Variants in PMS1 observed in about 807,000 individuals in gnomAD.
The protein encoded by PMS1 is PMS1 homolog 1, mismatch repair system component.
In PMS1, 79 loss-of-function variants were observed where a neutral mutation model predicts 93.1. The ratio of observed to expected loss-of-function variants is 0.85; its 90% CI spans 0.71 to 1.02. The LOEUF is 1.02. Ranked by LOEUF, PMS1 falls within the 50% of genes least tolerant of loss-of-function variation. The pLI is 0.00. For synonymous variants in PMS1, 335 were observed against 363.4 expected (o/e 0.92, Z 0.89); for missense variants, 1,064 against 1,085.3 (o/e 0.98, Z 0.28).
intron 5 of PMS1, among the ~76,000 whole-genome samples, chr2:189,824,504 A>G (rs1162024179): frequency 6.6e-6 from 1 of 151,988 alleles, no homozygotes; most frequent in Non-Finnish European, 1.5e-5. Flanking sequence ...TTCTGTTAGG[A>G]AATAAAAGAA....
rs775577121 is a variant in PMS1 at position 189,877,347 on chromosome 2, A to C, written c.2710A>C (p.Met904Leu). Residue 904 changes from methionine to leucine, a missense_variant, in exon 13 of 13, where the codon ATG (methionine) becomes CTG (leucine). Physicochemically the swap from Met to Leu is conservative, Grantham distance 15. Coordinates refer to ENST00000441310, the MANE Select transcript of PMS1 (RefSeq NM_000534.5). Reference protein sequence around the residue: ...KEDIQDIIYRMKHQFGNEIKE... With the variant: ...KEDIQDIIYRLKHQFGNEIKE... ...GGACATCCAAGACATTATCTACAGAATGAAGCACCAGTTTGGAAATGAAAT... is the reference window on the plus strand; with the variant it reads ...GGACATCCAAGACATTATCTACAGACTGAAGCACCAGTTTGGAAATGAAAT... The C allele has an allele frequency of 2.1e-5, 34 of 1,613,032 alleles. No homozygotes were observed. The highest frequency in any genetic ancestry group is 2.8e-5 in the Non-Finnish European group (33 of 1,179,086).
chr2:189,798,513 A>G (rs565388214), intron 3 of PMS1, among the ~76,000 whole-genome samples: 1 of 152,324 alleles, frequency 6.6e-6, no homozygotes, highest in South Asian at 2.1e-4. Context: ...CTTTATTTGG[A>G]GTTCACAGAG....
At chr2:189,823,518 G>A (rs1233282) in intron 5 of PMS1, among the ~76,000 whole-genome samples, 64,732 of 151,328 alleles carry the variant, frequency 0.43, 18,349 homozygotes, top group African/African-American at 0.82. Flanking sequence ...TTTTAACCAA[G>A]GGAATATATT....
chr2:189,861,776 T>A (rs1394300170), intron 9 of PMS1, among the ~76,000 whole-genome samples: 1 of 151,820 alleles, frequency 6.6e-6, no homozygotes, highest in South Asian at 2.1e-4. Context: ...TTCACTGTCA[T>A]CTGGCTCTGC....
chr2:189,820,403 C>G (rs1282583883), intron 5 of PMS1, among the ~76,000 whole-genome samples: 1 of 151,994 alleles, frequency 6.6e-6, no homozygotes, highest in Admixed American at 6.5e-5. Flanking sequence ...CTCAAGCAAT[C>G]CCTTCCACCT....
intron 11 of PMS1, among the ~76,000 whole-genome samples, chr2:189,868,414 C>G (rs1184625034): frequency 6.6e-6 from 1 of 152,202 alleles, no homozygotes; most frequent in Non-Finnish European, 1.5e-5. Context: ...TGATAACCCT[C>G]TTTGCTCAGT....
intron 3 of PMS1, among the ~76,000 whole-genome samples, 176 bp from the exon 4 acceptor site, chr2:189,805,476 C>T (rs945304899): frequency 6.6e-6 from 1 of 152,122 alleles, no homozygotes; most frequent in African/African-American, 2.4e-5. Flanking sequence ...TACAAGCTGG[C>T]CTGTTGCTTA....
intron 11 of PMS1, among the ~76,000 whole-genome samples, chr2:189,868,692 A>G (rs1203864411): frequency 6.6e-6 from 1 of 152,210 alleles, no homozygotes; most frequent in Non-Finnish European, 1.5e-5. Flanking sequence ...GTGTTTGAAG[A>G]TTTTTAAAGG....
At chr2:189,798,865 A>G (rs576991265) in intron 3 of PMS1, among the ~76,000 whole-genome samples, 1 of 151,750 alleles carries the variant, frequency 6.6e-6, no homozygotes, top group Admixed American at 6.6e-5. Flanking sequence ...TATTTTCTGC[A>G]AGATATATAT....
chr2:189,792,998 T>A (rs1424494890), intron 2 of PMS1, among the ~76,000 whole-genome samples: 10 of 151,962 alleles, frequency 6.6e-5, no homozygotes, highest in Non-Finnish European at 1.3e-4. Context: ...TTAGTAGAGA[T>A]GGGGTTTCGC....
At chr2:189,818,704 A>G (rs2051546476) in intron 5 of PMS1, among the ~76,000 whole-genome samples, 1 of 152,144 alleles carries the variant, frequency 6.6e-6, no homozygotes, top group Admixed American at 6.5e-5. Context: ...ATATGATCTG[A>G]TTGAACTTTT....
chr2:189,800,187 T>C (rs1027403172), intron 3 of PMS1, among the ~76,000 whole-genome samples: 1 of 152,220 alleles, frequency 6.6e-6, no homozygotes, highest in Non-Finnish European at 1.5e-5. Context: ...GTATACATAG[T>C]GTGTTCAAGG....
Position 189,867,555 on chromosome 2 carries a change from T to C in PMS1, c.2343-244T>C, listed in dbSNP as rs145361639. Among the ~76,000 whole-genome samples the C allele has an allele frequency of 3.1e-3, 477 of 152,300 alleles. 4 individuals carry two copies. The highest frequency in any genetic ancestry group is 0.022 in the East Asian group (112 of 5,186). Reference sequence around the variant, plus strand: ...GTATTAGAGAGAGCCATTTTTAAAATTTCACATTCAATTTGTAACATTCTA... The same window carrying C: ...GTATTAGAGAGAGCCATTTTTAAAACTTCACATTCAATTTGTAACATTCTA... On this transcript the variant is annotated intron_variant, in intron 10 of 12. Transcript: ENST00000441310.
In PMS1 at chr2:189,837,266, C is replaced by T. The variant is rs183344759; in HGVS notation, c.583-6698C>T. ...TCAGCCTCCTGAGTAGCTGGGACTA[C>T]AGGCATGTGCCACCATGCCCAGCTA... On this transcript the variant is annotated intron_variant, in intron 5 of 12. Coordinates refer to ENST00000441310, the MANE Select transcript of PMS1 (RefSeq NM_000534.5). Among the ~76,000 whole-genome samples, 4 of 151,666 alleles carry T rather than the reference C, an allele frequency of 2.6e-5. No homozygotes were observed. In the East Asian group the frequency reaches 7.8e-4, roughly 29 times the overall value.
chr2:189,862,048 A>T (rs1055080579), intron 9 of PMS1, among the ~76,000 whole-genome samples: 2 of 151,884 alleles, frequency 1.3e-5, no homozygotes, highest in African/African-American at 2.4e-5. Context: ...CTGATTATCA[A>T]CCCTAATTTC....
chr2:189,846,119 G>A (rs1165134908), intron 6 of PMS1, among the ~76,000 whole-genome samples: 2 of 152,092 alleles, frequency 1.3e-5, no homozygotes, highest in African/African-American at 2.4e-5. Context: ...GGCGTGGTGG[G>A]TCACACCTGT....
At chr2:189,806,224 T>C (rs1365761674) in intron 4 of PMS1, 3 of 266,238 alleles carry the variant, frequency 1.1e-5, no homozygotes, top group African/African-American at 4.4e-5. Context: ...TCAGTTTCAA[T>C]AATTTATCAA....
At chr2:189,844,230 AT>A in intron 6 of PMS1, 150 bp downstream of exon 6, 1 of 1,282,210 alleles carries the variant, frequency 7.8e-7, no homozygotes, top group Non-Finnish European at 1.0e-6. Context: ...TACAGAGCTT[AT>A]GTTAAACCTC....
intron 1 of PMS1, among the ~76,000 whole-genome samples, chr2:189,787,197 C>G (rs1350344327): frequency 6.6e-6 from 1 of 152,052 alleles, no homozygotes; most frequent in Non-Finnish European, 1.5e-5. Context: ...GTGTGAGATA[C>G]AGGTGAGCTG....
Sources: allele counts gnomAD v4.1 joint callset (sites outside exome capture counted in the v4.1 genomes callset), GRCh38; gene constraint gnomAD v4.1.1; transcripts MANE v1.5; gene names NCBI Gene and HGNC (gene_info 2026-07-23, HGNC 2026-07-21).